Variants in MAN2B1 observed in about 807,000 individuals in gnomAD.
The protein encoded by MAN2B1 is mannosidase alpha class 2B member 1.
Under a neutral mutation model 127.5 loss-of-function variants are expected in MAN2B1, and 99 were observed. That is an observed-to-expected ratio of 0.78 (90% confidence interval 0.66 to 0.92). MAN2B1 has a LOEUF of 0.92. Among genes scored for constraint, MAN2B1 ranks in the 40% least tolerant of loss-of-function variants. The probability of loss-of-function intolerance (pLI) is 0.00; values close to 1 mark genes in which losing one functional copy is unlikely to be tolerated. For missense variants in MAN2B1, 1,304 were observed against 1,384.8 expected (o/e 0.94, Z 0.93); for synonymous variants, 573 against 568.8 (o/e 1.01, Z -0.11).
In MAN2B1 at chr19:12,649,342, G is replaced by A. The variant is rs372011807; in HGVS notation, c.2354C>T (p.Thr785Met). ...YYPVNTRIYI[T>M]DGNMQLTVLT... is the part of the protein sequence containing the mutation. ...AGGTGCAGGATGGGGGAGAGCTACC[G>A]TGATGTAAATCCGGGTGTTGACTGG... Residue 785 changes from threonine to methionine, a missense_variant and splice_region_variant, in exon 19 of 24, where the codon ACG (threonine) becomes ATG (methionine). Transcript: ENST00000456935. 4.3e-6 allele frequency: 7 copies of A among 1,612,546 alleles called. No individual in the cohort carries two copies. Among genetic ancestry groups the A allele is most frequent in the South Asian group, 3.3e-5 (3 of 91,032 alleles).
At chr19:12,661,049 G>A (rs533424810) in intron 7 of MAN2B1, 71 of 490,938 alleles carry the variant, frequency 1.4e-4, no homozygotes, top group African/African-American at 4.5e-4. Flanking sequence ...GAGCCATTGC[G>A]CCCGGCCTCA....
rs1433300062 is a variant in MAN2B1 at position 12,648,242 on chromosome 19, G to A, written c.2597C>T (p.Ala866Val). 4 of 1,595,676 alleles carry A rather than the reference G, an allele frequency of 2.5e-6. No individual in the cohort carries two copies. Among genetic ancestry groups the A allele is most frequent in the Non-Finnish European group, 3.4e-6 (4 of 1,175,294 alleles). ...HRLLAEQEVL[A>V]PQVVLAPGGG... Reference sequence around the variant, plus strand: ...ACCCGGGGCCAGCACCACCTGAGGGGCCAGGACCTCCTGCTCCGCCAGGAG... The same window carrying A: ...ACCCGGGGCCAGCACCACCTGAGGGACCAGGACCTCCTGCTCCGCCAGGAG... The change falls in exon 21 of 24, where the codon GCC becomes GTC. Residue 866 changes from alanine (A) to valine (V), a missense_variant. Physicochemically the swap from Ala to Val is moderately conservative, Grantham distance 64. Transcript: ENST00000456935.
Position 12,649,189 on chromosome 19 carries a change from T to G in MAN2B1, c.2383A>C (p.Thr795Pro), listed in dbSNP as rs745365527. The G allele has an allele frequency of 3.7e-6, 6 of 1,613,094 alleles. No homozygotes were observed. In the South Asian group the frequency reaches 6.6e-5, roughly 18 times the overall value. ...TDGNMQLTVL[T>P]DRSQGGSSLR... ...CTGCTGCCCCCCTGGGAGCGGTCAG[T>G]CAGCACAGTCAGCTGCATGTTTCCA... The change falls in exon 20 of 24, where the codon ACT becomes CCT. Residue 795 changes from threonine (T) to proline (P), a missense_variant. Coordinates refer to ENST00000456935, the MANE Select transcript of MAN2B1 (RefSeq NM_000528.4).
rs978130289 is a variant in MAN2B1, at chr19:12,663,379, G to A, written c.847C>T (p.Arg283Cys). 6.2e-6 allele frequency: 10 copies of A among 1,613,912 alleles called. No homozygotes were observed. Among genetic ancestry groups the A allele is most frequent in the South Asian group, 1.1e-5 (1 of 91,080 alleles). Residue 283 changes from arginine (R) to cysteine (C), a missense_variant, in exon 6 of 24, where the codon CGC becomes TGC. By Grantham distance (180) the Arg-to-Cys change is radical (BLOSUM62 -3). Transcript: ENST00000456935. ...CVDQPLVEDP[R>C]SPEYNAKELV... is the part of the protein sequence containing the mutation. ...TCCTTGGCGTTGTACTCGGGGCTGC[G>A]AGGGTCCTCCACCAGCGGCTGATCG...
chr19:12,657,183 A>G, intron 11 of MAN2B1, 127 bp from the exon 12 acceptor site: 1 of 723,296 alleles, frequency 1.4e-6, no homozygotes, highest in Non-Finnish European at 2.4e-6. Context: ...AACCCCTTCT[A>G]GCCCCACCCT....
intron 6 of MAN2B1, among the ~76,000 whole-genome samples, chr19:12,662,545 G>A (rs940208254): frequency 1.1e-4 from 17 of 152,052 alleles, no homozygotes; most frequent in Admixed American, 2.6e-4. Context: ...CAGAAGAATC[G>A]CTTGGACCCA....
chr19:12,656,372 A>AG (rs1252416157), intron 13 of MAN2B1, 199 bp downstream of exon 13: 3 of 538,124 alleles, frequency 5.6e-6, no homozygotes, highest in African/African-American at 3.9e-5. Context: ...AAAAAAAAAA[A>AG]GGGAGGACCA....
Position 12,646,694 on chromosome 19 carries a change from C to T in MAN2B1, c.2962G>A (p.Ala988Thr), listed in dbSNP as rs866304563. ...TCCATGGGTTCCAGCGTGATGTTGG[C>T]CGGGTCCAGCTGGTACGGAGTTTGG... The part of the protein sequence containing the change: ...PHQTPYQLDP[A>T]NITLEPMEIR... Residue 988 changes from alanine to threonine, a missense_variant, in exon 24 of 24, where the codon GCC becomes ACC. Transcript: ENST00000456935. The T allele has an allele frequency of 6.2e-7, 1 of 1,614,058 alleles. No individual in the cohort carries two copies. Among genetic ancestry groups the T allele is most frequent in the Non-Finnish European group, 8.5e-7 (1 of 1,179,984 alleles).
chr19:12,665,662 ACCATGGGGAT>A lies in MAN2B1; in HGVS notation c.262+31_262+40del, dbSNP rs772817753. ...TCCAGGACCCAGAGGGATTACAGGGACCATGGGGATCCCAGGGACCAGTCCCCATCCTCTA... is the reference window on the plus strand; with the variant it reads ...TCCAGGACCCAGAGGGATTACAGGGACCCAGGGACCAGTCCCCATCCTCTA... On this transcript the variant is annotated intron_variant, in intron 2 of 23. Coordinates refer to ENST00000456935, the MANE Select transcript of MAN2B1 (RefSeq NM_000528.4). 1.9e-5 allele frequency: 31 copies of A among 1,592,448 alleles called. No homozygotes were observed. The East Asian group carries it at 6.5e-4, about 33-fold the overall frequency.
At chr19:12,648,591 G>T (rs1308668750) in intron 20 of MAN2B1, among the ~76,000 whole-genome samples, 189 bp from the exon 21 acceptor site, 2 of 152,240 alleles carry the variant, frequency 1.3e-5, no homozygotes, top group Non-Finnish European at 2.9e-5. Context: ...TGGGAACCAG[G>T]CCGGAAGGAG....
chr19:12,649,858 C>CCCCGGCCCCCACA, intron 18 of MAN2B1, 55 bp downstream of exon 18: 1 of 1,405,204 alleles, frequency 7.1e-7, no homozygotes, highest in Non-Finnish European at 1.0e-6. Context: ...CCTCACCACC[C>CCCCGGCCCCCACA]CTGGGCCCCA....
rs758765126 is a variant in MAN2B1, at chr19:12,647,516, C to T, written c.2747G>A (p.Arg916His). ...TCCTACGGCAAACTGGTGCTCCAAG[C>T]GCAGCAGCACCATTTCGGGGCCCCA... ...ASWGPEMVLL[R>H]LEHQFAVGED... The change falls in exon 22 of 24, where the codon CGC becomes CAC. Residue 916 changes from arginine (R) to histidine (H), a missense_variant. Physicochemically the swap from Arg to His is conservative, Grantham distance 29. Coordinates refer to ENST00000456935, the MANE Select transcript of MAN2B1 (RefSeq NM_000528.4). This position sits in a 1 kb window ranked among gnomAD's most constrained non-coding sequence, Gnocchi z 4.9. The T allele has an allele frequency of 3.1e-6, 5 of 1,614,182 alleles. No homozygotes were observed. Among genetic ancestry groups the T allele is most frequent in the Non-Finnish European group, 3.4e-6 (4 of 1,180,020 alleles).
At chr19:12,661,127 G>T in intron 7 of MAN2B1, 133 bp downstream of exon 7, 3 of 743,046 alleles carry the variant, frequency 4.0e-6, no homozygotes, top group Middle Eastern at 3.8e-4. Flanking sequence ...CTAAGTGTGT[G>T]GTCATTTGTT....
chr19:12,656,574 G>T lies in MAN2B1; in HGVS notation c.1641C>A (p.Ser547Arg). Residue 547 changes from serine (S) to arginine (R), a missense_variant, in exon 13 of 24, where the codon AGC becomes AGA. Physicochemically the swap from Ser to Arg is moderately radical, Grantham distance 110. Transcript: ENST00000456935. ...AATATTCGTTGTTTGGGCTCACATC[G>T]CTGGGCACTGTCCTGCCATTGGGGT... ...VKDPNGRTVP[S>R]DVVIFPSSDS... The T allele has an allele frequency of 6.2e-7, 1 of 1,610,154 alleles. No homozygotes were observed. The highest frequency in any genetic ancestry group is 8.5e-7 in the Non-Finnish European group (1 of 1,176,478).
chr19:12,661,524 G>T (rs899763684), intron 6 of MAN2B1, 148 bp from the exon 7 acceptor site: 2 of 710,792 alleles, frequency 2.8e-6, no homozygotes, highest in African/African-American at 1.7e-5. Flanking sequence ...ACAGATAAAA[G>T]TAGCCACCAG....
In MAN2B1 at chr19:12,649,413, G is replaced by A. The variant is rs138358081; in HGVS notation, c.2283C>T (p.Pro761=). The A allele has an allele frequency of 2.6e-4, 422 of 1,612,038 alleles. 2 individuals are homozygous for A. The African/African-American group carries it at 5.2e-3, about 20-fold the overall frequency. Residue 761 remains proline (P), a synonymous_variant, in exon 19 of 24, where the codon CCC becomes CCT. Transcript: ENST00000456935. ...EILERRRDYR[P]TWKLNQTEPV... is the part of the protein sequence containing the mutation. ...GCTCCGTCTGGTTCAGTTTCCAGGT[G>A]GGTCGATAATCCCGCCTGGGGTTGG...
Position 12,649,163 on chromosome 19 carries a change from G to A in MAN2B1, c.2409C>T (p.Ser803=), listed in dbSNP as rs147850230. ...TGAGCTCCAGCGAGCCATCTCTCAG[G>A]CTGCTGCCCCCCTGGGAGCGGTCAG... ...VLTDRSQGGS[S]LRDGSLELMV... The change falls in exon 20 of 24, where the codon AGC becomes AGT. Residue 803 remains serine (S), a synonymous_variant. Coordinates refer to ENST00000456935, the MANE Select transcript of MAN2B1 (RefSeq NM_000528.4). 196 of 1,612,508 alleles carry A rather than the reference G, an allele frequency of 1.2e-4. 1 individual carries two copies. In the African/African-American group the frequency reaches 2.4e-3, roughly 20 times the overall value.
At chr19:12,654,183 C>T (rs947468629) in intron 14 of MAN2B1, among the ~76,000 whole-genome samples, 1 of 152,002 alleles carries the variant, frequency 6.6e-6, no homozygotes, top group African/African-American at 2.4e-5. Context: ...ACTGGGACTA[C>T]AGATGCTCGC....
At chr19:12,665,173 T>C in intron 3 of MAN2B1, 179 bp downstream of exon 3, 2 of 1,038,918 alleles carry the variant, frequency 1.9e-6, no homozygotes, top group Non-Finnish European at 3.0e-6. Context: ...TCCCAGAGGA[T>C]GCACAGCAGG....
Sources: allele counts gnomAD v4.1 joint callset (sites outside exome capture counted in the v4.1 genomes callset), GRCh38; gene constraint gnomAD v4.1.1; non-coding constraint Gnocchi (gnomAD v3.1); transcripts MANE v1.5; gene names NCBI Gene and HGNC (gene_info 2026-07-23, HGNC 2026-07-21).